TJP1: variants seen among roughly 807,000 people sequenced by gnomAD.
TJP1 encodes the protein tight junction protein 1.
A neutral mutation model predicts 194.2 loss-of-function variants in TJP1; 43 were observed. The observed-to-expected ratio is 0.22, with a 90% confidence interval of 0.17 to 0.29. The LOEUF (loss-of-function observed/expected upper bound fraction) is 0.29, where lower values mean the gene tolerates loss of function less well. Among genes scored for constraint, TJP1 ranks in the 10% least tolerant of loss-of-function variants. TJP1 has a pLI of 1.00. For missense variants in TJP1, 1,971 were observed against 2,185.7 expected, an observed-to-expected ratio of 0.90 and a Z score of 1.96; for synonymous variants, 801 against 779.0, an observed-to-expected ratio of 1.03 and a Z score of -0.47.
intron 2 of TJP1, among the ~76,000 whole-genome samples, chr15:29,777,883 C>G (rs1357237819): frequency 6.6e-6 from 1 of 152,100 alleles, no homozygotes; most frequent in Non-Finnish European, 1.5e-5. Flanking sequence ...AACGATTATC[C>G]TTTCCCTTTT....
chr15:29,796,988 G>A (rs141663228), intron 2 of TJP1, among the ~76,000 whole-genome samples: 9 of 151,814 alleles, frequency 5.9e-5, no homozygotes, highest in East Asian at 1.9e-4. Flanking sequence ...CTCTCTGCCC[G>A]TATCTCATGG....
intron 5 of TJP1, 119 bp downstream of exon 5, chr15:29,766,147 A>T (rs2046317261): frequency 7.4e-7 from 1 of 1,353,962 alleles, no homozygotes; most frequent in Admixed American, 2.4e-5. Flanking sequence ...ACTTACAGTG[A>T]TAGAACACAA....
chr15:29,895,462 C>T (rs2053447809), intron 2 of TJP1, among the ~76,000 whole-genome samples: 1 of 152,190 alleles, frequency 6.6e-6, no homozygotes, highest in Admixed American at 6.5e-5. Context: ...CACTTTATAA[C>T]AATGATCATG....
chr15:29,742,804 A>G (rs1265607015), intron 8 of TJP1, 23 bp from the exon 9 acceptor site: 1 of 1,563,952 alleles, frequency 6.4e-7, no homozygotes, highest in Non-Finnish European at 8.6e-7. Context: ...AAAATAAAAA[A>G]TCAAGAGCAT....
intron 2 of TJP1, among the ~76,000 whole-genome samples, chr15:29,856,245 TA>T (rs1333340396): frequency 6.6e-6 from 1 of 151,176 alleles, no homozygotes; most frequent in African/African-American, 2.4e-5. Flanking sequence ...CCTGTCACTT[TA>T]AAAAAAAATG....
chr15:29,805,493 T>C (rs771417498), intron 1 of TJP1, among the ~76,000 whole-genome samples: 8 of 152,230 alleles, frequency 5.3e-5, no homozygotes, highest in Non-Finnish European at 1.2e-4. Context: ...TAAATTTTAC[T>C]AACCTTATGG....
At chr15:29,717,709 A>G (rs1347575463) in intron 22 of TJP1, among the ~76,000 whole-genome samples, 1 of 152,234 alleles carries the variant, frequency 6.6e-6, no homozygotes, top group African/African-American at 2.4e-5. Flanking sequence ...TCACATGTCG[A>G]AAAGCACTTT....
chr15:29,928,727 A>C (rs1430230191), intron 2 of TJP1, among the ~76,000 whole-genome samples: 1 of 152,186 alleles, frequency 6.6e-6, no homozygotes, highest in Non-Finnish European at 1.5e-5. Context: ...GCAGATCACG[A>C]GGTCAGGAGA....
chr15:29,752,944 T>A (rs1308431799), intron 8 of TJP1, among the ~76,000 whole-genome samples: 1 of 152,104 alleles, frequency 6.6e-6, no homozygotes, highest in Non-Finnish European at 1.5e-5. Context: ...CTTTGCCTTA[T>A]TCCAGAATGA....
At chr15:29,763,543 G>A (rs2046137674) in intron 5 of TJP1, among the ~76,000 whole-genome samples, 1 of 152,128 alleles carries the variant, frequency 6.6e-6, no homozygotes, top group South Asian at 2.1e-4. Context: ...GCCAAGGCGG[G>A]CGGACCACAA....
intron 1 of TJP1, among the ~76,000 whole-genome samples, chr15:29,802,391 T>C (rs2048846263): frequency 6.6e-6 from 1 of 152,106 alleles, no homozygotes; most frequent in African/African-American, 2.4e-5. Flanking sequence ...GAAAGCCTGC[T>C]TCCCTAAATT....
intron 1 of TJP1, among the ~76,000 whole-genome samples, chr15:29,808,936 C>T (rs1163494184): frequency 6.6e-6 from 1 of 152,138 alleles, no homozygotes; most frequent in Non-Finnish European, 1.5e-5. Context: ...AAAATCAAAT[C>T]TGAATCTGAT....
intron 3 of TJP1, among the ~76,000 whole-genome samples, chr15:29,772,879 C>G (rs1016731269): frequency 2.0e-5 from 3 of 152,130 alleles, no homozygotes; most frequent in Non-Finnish European, 4.4e-5. Context: ...ATTCTCCTGC[C>G]TCAGCCTCCC....
chr15:29,779,072 C>T lies in TJP1; in HGVS notation c.85-5715G>A, dbSNP rs146249800. Among the ~76,000 whole-genome samples, 3 of 152,300 alleles carry T rather than the reference C, an allele frequency of 2.0e-5. No individual in the cohort carries two copies. In the Middle Eastern group the frequency reaches 0.01, roughly 518 times the overall value. On this transcript the variant is annotated intron_variant, in intron 2 of 27. Coordinates refer to ENST00000614355, the MANE Select transcript of TJP1 (RefSeq NM_001330239.4). ...AGCAAGTCACATAGCAAATCTCCCACGAACTTCCTTACAGATAACTTCCGA... is the reference window on the plus strand; with the variant it reads ...AGCAAGTCACATAGCAAATCTCCCATGAACTTCCTTACAGATAACTTCCGA...
chr15:29,936,848 A>G (rs16954850), intron 2 of TJP1, among the ~76,000 whole-genome samples: 2,086 of 152,202 alleles, frequency 0.014, 28 homozygotes, highest in African/African-American at 0.037. Flanking sequence ...TCCCTTAGAA[A>G]ATATATTTAG....
At position 29,919,955 on chromosome 15, in the gene TJP1, G is replaced by C. The variant is rs993595148; in HGVS notation, c.306+36277C>G. On this transcript the variant is annotated intron_variant, in intron 2 of 28. Coordinates refer to the TJP1 transcript ENST00000356107. ...GAGATGGGACCCCAGAAGACAGAAA[G>C]GATGCAAGTGGTTGAGTGCTAAGGT... Among the ~76,000 whole-genome samples the C allele has an allele frequency of 6.6e-5, 10 of 152,332 alleles. No homozygotes were observed. The East Asian group carries it at 1.9e-3, about 29-fold the overall frequency.
At chr15:29,924,327 T>G (rs2054458687) in intron 2 of TJP1, among the ~76,000 whole-genome samples, 1 of 152,066 alleles carries the variant, frequency 6.6e-6, no homozygotes, top group African/African-American at 2.4e-5. Context: ...CATCTCGGCC[T>G]CCCAACATGC....
At position 29,766,150 on chromosome 15, in the gene TJP1, GAACACA is replaced by G. The variant is rs1413992842; in HGVS notation, c.589+110_589+115del. The G allele has an allele frequency of 6.2e-5, 86 of 1,377,242 alleles. 1 individual carries two copies. In the Middle Eastern group the frequency reaches 9.9e-4, roughly 16 times the overall value. 85.3% of individuals were successfully genotyped at this position (1,377,242 alleles called of 1,614,324 possible). A position where few individuals can be genotyped will look rare whatever the true frequency, so the allele number is the denominator to read the frequency against. ...TAACAGGATTTGACTTACAGTGATA[GAACACA>G]AACACAAAGACAACAAAGCAAAGAC... is the stretch of plus-strand genomic sequence containing the variant. On this transcript the variant is annotated intron_variant, in intron 5 of 27. Coordinates refer to ENST00000614355, the MANE Select transcript of TJP1 (RefSeq NM_001330239.4).
chr15:29,752,285 T>C (rs2045343099), intron 8 of TJP1, among the ~76,000 whole-genome samples: 1 of 152,114 alleles, frequency 6.6e-6, no homozygotes. Context: ...GTATTTTTAG[T>C]AGAGACTGGG....
Sources: gnomAD v4.1 joint callset for allele counts (sites outside exome capture counted in the v4.1 genomes callset) on GRCh38, gnomAD v4.1.1 for gene constraint, MANE v1.5 for transcripts, NCBI Gene and HGNC (gene_info 2026-07-23, HGNC 2026-07-21) for gene names.